Variants in GRM8 observed in about 807,000 individuals in gnomAD.
GRM8 encodes glutamate metabotropic receptor 8.
GRM8 carries 47 observed loss-of-function variants against 87.2 expected under a neutral mutation model. The ratio of observed to expected loss-of-function variants is 0.54; its 90% CI spans 0.43 to 0.69. The LOEUF is 0.69. Ranked by LOEUF, GRM8 falls within the 30% of genes least tolerant of loss-of-function variation. GRM8 has a pLI of 0.00. For missense variants in GRM8, 1,019 were observed against 1,139.2 expected, an observed-to-expected ratio of 0.89 and a Z score of 1.52; for synonymous variants, 396 against 404.5, an observed-to-expected ratio of 0.98 and a Z score of 0.25.
In GRM8 at chr7:127,006,044, G is replaced by A. The variant is rs151214492; in HGVS notation, c.727+100452C>T. On this transcript the variant is annotated intron_variant, in intron 3 of 10. Transcript: ENST00000339582. ...TCCCTCAATACTCCCTCCTTCCACC[G>A]TCCTTCACTCTCATATGATGACCTT... Among the ~76,000 whole-genome samples, 282 of 151,492 alleles carry A rather than the reference G, an allele frequency of 1.9e-3. 1 individual carries two copies. The highest frequency in any genetic ancestry group is 5.8e-3 in the African/African-American group (241 of 41,354).
intron 9 of GRM8, among the ~76,000 whole-genome samples, chr7:126,518,372 T>C (rs1241961801): frequency 1.3e-5 from 2 of 152,062 alleles, no homozygotes; most frequent in Non-Finnish European, 2.9e-5. Context: ...TTAGGTAATG[T>C]TCAACTAGCA....
At chr7:127,020,299 T>C (rs944278486) in intron 3 of GRM8, among the ~76,000 whole-genome samples, 1 of 152,118 alleles carries the variant, frequency 6.6e-6, no homozygotes, top group Non-Finnish European at 1.5e-5. Flanking sequence ...GGCACAGCCC[T>C]GAGCAGAGAG....
intron 7 of GRM8, among the ~76,000 whole-genome samples, chr7:126,721,082 A>G (rs1812342937): frequency 6.6e-6 from 1 of 152,250 alleles, no homozygotes; most frequent in African/African-American, 2.4e-5. Context: ...CCAATGGTAT[A>G]TAGGATATAC....
intron 3 of GRM8, among the ~76,000 whole-genome samples, chr7:127,068,253 T>A (rs922224257): frequency 6.6e-6 from 1 of 152,196 alleles, no homozygotes; most frequent in Non-Finnish European, 1.5e-5. Flanking sequence ...GGGGAACTTG[T>A]AGCCAGCATT....
chr7:126,620,914 A>C (rs762950838), intron 7 of GRM8, among the ~76,000 whole-genome samples: 13 of 152,156 alleles, frequency 8.5e-5, no homozygotes, highest in Admixed American at 4.6e-4. Context: ...TGTCAAGTTT[A>C]TTCTTCCCTG....
intron 3 of GRM8, among the ~76,000 whole-genome samples, chr7:127,056,544 G>T (rs1381164309): frequency 6.6e-6 from 1 of 152,160 alleles, no homozygotes; most frequent in East Asian, 1.9e-4. Flanking sequence ...TTATGCAGGT[G>T]GTCCTGGAGA....
At chr7:126,783,060 G>T (rs561231892) in intron 6 of GRM8, among the ~76,000 whole-genome samples, 75 of 152,208 alleles carry the variant, frequency 4.9e-4, no homozygotes, top group African/African-American at 1.7e-3. Context: ...CTGTATACTC[G>T]CTCCAAGTCC....
At chr7:126,851,588 A>C (rs1022505858) in intron 6 of GRM8, among the ~76,000 whole-genome samples, 2 of 152,116 alleles carry the variant, frequency 1.3e-5, no homozygotes, top group Non-Finnish European at 2.9e-5. Flanking sequence ...TTGAACACCT[A>C]GAAAATCATC....
At chr7:127,074,438 G>A (rs1488090083) in intron 3 of GRM8, among the ~76,000 whole-genome samples, 1 of 152,134 alleles carries the variant, frequency 6.6e-6, no homozygotes, top group Non-Finnish European at 1.5e-5. Context: ...TGAGGCAGGG[G>A]GCTGCTCCTC....
rs566057957 is a variant in GRM8, at chr7:126,470,601, C to A, written c.2431-24229G>T. 1.2e-4 allele frequency among the ~76,000 whole-genome samples: 18 copies of A among 152,116 alleles called. No individual in the cohort carries two copies. In the East Asian group the frequency reaches 3.5e-3, roughly 30 times the overall value. Reference sequence around the variant, plus strand: ...AATCCAGTCTATCATTGTTGGACATCTGAGTTGCTTCCAAGTCTTTGCTAT... The same window carrying A: ...AATCCAGTCTATCATTGTTGGACATATGAGTTGCTTCCAAGTCTTTGCTAT... On this transcript the variant is annotated intron_variant, in intron 9 of 10. Coordinates refer to ENST00000339582, the MANE Select transcript of GRM8 (RefSeq NM_000845.3).
rs560031858 is a variant in GRM8, at chr7:126,893,980, G to T, written c.1156+8562C>A. Reference sequence around the variant, plus strand: ...GTATTTCAGCAAATCATATCTATGAGACTCTCTCAAATCCTCTGAGTTAAA... The same window carrying T: ...GTATTTCAGCAAATCATATCTATGATACTCTCTCAAATCCTCTGAGTTAAA... On this transcript the variant is annotated intron_variant, in intron 6 of 10. Coordinates refer to ENST00000339582, the MANE Select transcript of GRM8 (RefSeq NM_000845.3). Among the ~76,000 whole-genome samples the T allele has an allele frequency of 1.1e-4, 16 of 152,110 alleles. No individual in the cohort carries two copies. In the South Asian group the frequency reaches 3.3e-3, roughly 32 times the overall value.
At chr7:126,791,610 C>G (rs554427872) in intron 6 of GRM8, among the ~76,000 whole-genome samples, 3 of 152,272 alleles carry the variant, frequency 2.0e-5, no homozygotes, top group African/African-American at 7.2e-5. Flanking sequence ...ATTGCAAGTG[C>G]AACAGGACTG....
intron 6 of GRM8, among the ~76,000 whole-genome samples, chr7:126,812,746 T>G (rs1284549830): frequency 6.6e-6 from 1 of 152,000 alleles, no homozygotes; most frequent in African/African-American, 2.4e-5. Flanking sequence ...GCAGAACGTA[T>G]TATGCTTACT....
chr7:127,143,620 T>A (rs1346413409), intron 2 of GRM8, among the ~76,000 whole-genome samples: 1 of 151,992 alleles, frequency 6.6e-6, no homozygotes, highest in East Asian at 1.9e-4. Context: ...GGTTAAAAAA[T>A]TTGCCCATGA....
chr7:127,170,020 G>A (rs1458416518), intron 2 of GRM8, among the ~76,000 whole-genome samples: 1 of 152,130 alleles, frequency 6.6e-6, no homozygotes, highest in Non-Finnish European at 1.5e-5. Flanking sequence ...CATGGATCAA[G>A]GAATAATTTC....
chr7:126,574,408 T>A (rs1374696959), intron 8 of GRM8, among the ~76,000 whole-genome samples: 1 of 152,138 alleles, frequency 6.6e-6, no homozygotes, highest in Admixed American at 6.5e-5. Flanking sequence ...AGCAGTCCAG[T>A]AAGTCTGTAA....
At chr7:126,533,992 T>C in intron 8 of GRM8, 105 bp from the exon 9 acceptor site, 4 of 810,696 alleles carry the variant, frequency 4.9e-6, no homozygotes, top group Non-Finnish European at 7.8e-6. Context: ...ACAGTACAAA[T>C]ACAGTTTACC....
intron 3 of GRM8, among the ~76,000 whole-genome samples, chr7:126,922,237 T>C (rs1373159649): frequency 6.6e-6 from 1 of 152,000 alleles, no homozygotes; most frequent in Non-Finnish European, 1.5e-5. Flanking sequence ...AACTGCAACA[T>C]CAAATGCAGA....
intron 9 of GRM8, among the ~76,000 whole-genome samples, chr7:126,473,909 C>T (rs1805595102): frequency 6.6e-6 from 1 of 152,078 alleles, no homozygotes; most frequent in African/African-American, 2.4e-5. Context: ...GCCTTTGCTC[C>T]TCCTTCACCT....
Sources: allele counts gnomAD v4.1 joint callset (sites outside exome capture counted in the v4.1 genomes callset), GRCh38; gene constraint gnomAD v4.1.1; transcripts MANE v1.5; gene names NCBI Gene and HGNC (gene_info 2026-07-23, HGNC 2026-07-21).